Variants in RBFOX1 observed in about 807,000 individuals in gnomAD.
The protein encoded by RBFOX1 is RNA binding fox-1 homolog 1, also known as RNA binding protein fox-1 homolog 1.
In RBFOX1, 8 loss-of-function variants were observed where a neutral mutation model predicts 57.7. That is an observed-to-expected ratio of 0.14 (90% CI 0.08 to 0.25). RBFOX1 has a LOEUF of 0.25. RBFOX1 is among the 10% of genes least tolerant of loss of function. The probability of loss-of-function intolerance (pLI) is 1.00; values close to 1 mark genes in which losing one functional copy is unlikely to be tolerated. For synonymous variants in RBFOX1, 326 were observed against 222.4 expected, an observed-to-expected ratio of 1.47 and a Z score of -4.15; for missense variants, 611 against 548.5, an observed-to-expected ratio of 1.11 and a Z score of -1.14.
At chr16:7,415,516 C>A (rs1298520828) in intron 4 of RBFOX1, among the ~76,000 whole-genome samples, 2 of 152,120 alleles carry the variant, frequency 1.3e-5, no homozygotes, top group African/African-American at 2.4e-5. Context: ...AAGCACAGGC[C>A]CTGGCATCCA....
chr16:6,924,618 G>T (rs7185720), intron 3 of RBFOX1, among the ~76,000 whole-genome samples: 1 of 151,726 alleles, frequency 6.6e-6, no homozygotes, highest in Non-Finnish European at 1.5e-5. Flanking sequence ...AAATAATGAG[G>T]TGCAAGTACC....
chr16:7,708,962 C>T (rs1411106923), intron 14 of RBFOX1, 94 bp from the exon 15 acceptor site: 1 of 1,126,438 alleles, frequency 8.9e-7, no homozygotes, highest in South Asian at 1.3e-5. Context: ...TGAGTAGGGC[C>T]CCTGCATACT....
intron 3 of RBFOX1, among the ~76,000 whole-genome samples, chr16:6,912,624 ATTT>A (rs33931128): frequency 2.0e-5 from 3 of 146,688 alleles, no homozygotes; most frequent in Non-Finnish European, 1.5e-5. Flanking sequence ...TGTTATTACT[ATTT>A]TTTTTTTTTG....
At chr16:5,987,077 T>C (rs1246867679) in intron 4 of RBFOX1, among the ~76,000 whole-genome samples, 1 of 152,198 alleles carries the variant, frequency 6.6e-6, no homozygotes, top group Non-Finnish European at 1.5e-5. Flanking sequence ...TCTTACAGGT[T>C]GTAGTGATAT....
At chr16:5,495,379 A>G (rs1450316445) in intron 2 of RBFOX1, among the ~76,000 whole-genome samples, 1 of 152,224 alleles carries the variant, frequency 6.6e-6, no homozygotes, top group African/African-American at 2.4e-5. Context: ...TTAAACAACC[A>G]GATCTCGGGA....
At position 6,544,161 on chromosome 16, in the gene RBFOX1, G is replaced by A. The variant is rs193036994; in HGVS notation, c.-63-110442G>A. On this transcript the variant is annotated intron_variant, in intron 2 of 15. Coordinates refer to ENST00000550418, the MANE Select transcript of RBFOX1 (RefSeq NM_018723.4). The stretch of plus-strand genomic sequence containing the variant: ...GTAGATTGAACCGAGTAACTTCCAC[G>A]GTGCTCATCCCAGGGGCAACAGGCC... Among the ~76,000 whole-genome samples the A allele has an allele frequency of 8.1e-4, 124 of 152,186 alleles. 1 individual carries two copies. In the Middle Eastern group the frequency reaches 0.017, roughly 21 times the overall value.
chr16:5,464,894 C>A (rs1408986006), intron 1 of RBFOX1, among the ~76,000 whole-genome samples: 1 of 152,170 alleles, frequency 6.6e-6, no homozygotes, highest in Non-Finnish European at 1.5e-5. Context: ...AGGTCTGTAT[C>A]TGTTCAGCCC....
At chr16:7,269,687 A>C (rs1228846115) in intron 4 of RBFOX1, among the ~76,000 whole-genome samples, 1 of 152,186 alleles carries the variant, frequency 6.6e-6, no homozygotes, top group Non-Finnish European at 1.5e-5. Flanking sequence ...TTTCTCCCTT[A>C]CTATTATTAA....
At chr16:6,910,846 G>C (rs531867365) in intron 3 of RBFOX1, among the ~76,000 whole-genome samples, 1 of 152,180 alleles carries the variant, frequency 6.6e-6, no homozygotes, top group Non-Finnish European at 1.5e-5. Flanking sequence ...ATATCCAGAA[G>C]AATGCCTCCA....
chr16:6,790,404 T>G (rs1271348805), intron 3 of RBFOX1, among the ~76,000 whole-genome samples: 1 of 152,000 alleles, frequency 6.6e-6, no homozygotes, highest in African/African-American at 2.4e-5. Flanking sequence ...TGGCTGGTCT[T>G]GAACTCCTGA....
rs952984969 is a variant in RBFOX1, at chr16:7,664,561, A to G, written c.891-368A>G. The stretch of plus-strand genomic sequence containing the variant: ...TTTTTATTCTGTGGGGTAGGGGGCT[A>G]TGTGGTTTGATTGCCAACTCTGACC... On this transcript the variant is annotated intron_variant, in intron 12 of 15. Transcript: ENST00000550418. 2.0e-5 allele frequency among the ~76,000 whole-genome samples: 3 copies of G among 152,168 alleles called. 1 individual carries two copies. The highest frequency in any genetic ancestry group is 6.8e-3 in the Middle Eastern group (2 of 294).
intron 4 of RBFOX1, among the ~76,000 whole-genome samples, chr16:7,313,455 C>CA (rs2096366716): frequency 8.0e-6 from 1 of 124,242 alleles, no homozygotes; most frequent in Non-Finnish European, 1.6e-5. Flanking sequence ...TCTTTTTTAT[C>CA]TTTTTTTTTC....
intron 3 of RBFOX1, among the ~76,000 whole-genome samples, chr16:6,896,027 G>A (rs1405832895): frequency 4.6e-5 from 7 of 152,070 alleles, no homozygotes; most frequent in Admixed American, 4.6e-4. Context: ...ATATCCATTG[G>A]GTTGGGAGGC....
intron 2 of RBFOX1, among the ~76,000 whole-genome samples, chr16:6,519,782 C>G (rs967440403): frequency 6.6e-6 from 1 of 152,186 alleles, no homozygotes; most frequent in Non-Finnish European, 1.5e-5. Context: ...ATTAGCAACT[C>G]AGTAGACACT....
intron 1 of RBFOX1, among the ~76,000 whole-genome samples, chr16:5,335,592 C>T (rs891843564): frequency 1.3e-5 from 2 of 152,176 alleles, no homozygotes; most frequent in African/African-American, 2.4e-5. Context: ...TGTCCTTCCT[C>T]TTCTCCATTG....
intron 3 of RBFOX1, among the ~76,000 whole-genome samples, chr16:5,704,927 A>G (rs937195365): frequency 2.6e-5 from 4 of 152,118 alleles, no homozygotes; most frequent in African/African-American, 9.7e-5. Flanking sequence ...TCCTTCAACC[A>G]AAAAGTCATA....
At chr16:6,052,297 C>T (rs1242923633) in intron 1 of RBFOX1, among the ~76,000 whole-genome samples, 1 of 152,140 alleles carries the variant, frequency 6.6e-6, no homozygotes, top group Non-Finnish European at 1.5e-5. Context: ...CTGTATTCCT[C>T]TTCCCCCATT....
chr16:7,475,175 T>C (rs2062389621), intron 4 of RBFOX1, among the ~76,000 whole-genome samples: 1 of 152,152 alleles, frequency 6.6e-6, no homozygotes. Context: ...TCCTTTTATT[T>C]TCTGTTGACT....
At chr16:6,510,693 G>A (rs556339390) in intron 2 of RBFOX1, among the ~76,000 whole-genome samples, 3 of 152,168 alleles carry the variant, frequency 2.0e-5, no homozygotes, top group East Asian at 3.9e-4. Context: ...GGGCAATGAA[G>A]TTTAAAGGTT....
Sources: allele counts gnomAD v4.1 joint callset (sites outside exome capture counted in the v4.1 genomes callset), GRCh38; gene constraint gnomAD v4.1.1; transcripts MANE v1.5; gene names NCBI Gene and HGNC (gene_info 2026-07-23, HGNC 2026-07-21).